Variants in CCDC88C observed in about 807,000 individuals in gnomAD.
The protein encoded by CCDC88C is coiled-coil and HOOK domain protein 88C.
Under a neutral mutation model 198.8 loss-of-function variants are expected in CCDC88C, and 131 were observed. The observed-to-expected ratio is 0.66, with a 90% CI of 0.57 to 0.76. The LOEUF is 0.76. CCDC88C is among the 30% of genes least tolerant of loss of function. The pLI is 0.00. For synonymous variants in CCDC88C, 1,166 were observed against 1,114.7 expected (o/e 1.05, Z -0.92); for missense variants, 2,553 against 2,631.6 (o/e 0.97, Z 0.65).
At chr14:91,362,009 G>A (rs753583295) in intron 3 of CCDC88C, among the ~76,000 whole-genome samples, 4 of 152,094 alleles carry the variant, frequency 2.6e-5, no homozygotes, top group South Asian at 4.1e-4. Flanking sequence ...CAAGGTGGGC[G>A]GATCACCTGA....
Position 91,329,935 on chromosome 14 carries a change from GTC to G in CCDC88C, c.1051-3881_1051-3880del, listed in dbSNP as rs1291886992. On this transcript the variant is annotated intron_variant, in intron 10 of 29. Transcript: ENST00000389857. ...ATGTTTTCAGCTCTGCAGGTTTTAAGTCTCTGTCACAACTACTCAACTCCACA... is the reference window on the plus strand; with the variant it reads ...ATGTTTTCAGCTCTGCAGGTTTTAAGTCTGTCACAACTACTCAACTCCACA... Among the ~76,000 whole-genome samples the G allele has an allele frequency of 5.9e-5, 9 of 152,374 alleles. No homozygotes were observed. In the South Asian group the frequency reaches 1.7e-3, roughly 28 times the overall value.
intron 3 of CCDC88C, among the ~76,000 whole-genome samples, chr14:91,404,610 C>G (rs770801330): frequency 3.9e-5 from 6 of 152,162 alleles, no homozygotes; most frequent in Non-Finnish European, 8.8e-5. Context: ...CCACTCTCAC[C>G]CACTGATTCT....
Position 91,338,570 on chromosome 14 carries a change from C to T in CCDC88C, c.810G>A (p.Leu270=). ...CCACAAGCTGCTCTGTCTTATCCTC[C>T]CTGCAGAGGCAGTAAGGAGAAAGAG... ...KARLRRVRQE[L]EDKTEQLVDT... is the part of the protein sequence containing the mutation. Residue 270 remains leucine (L), a splice_region_variant and synonymous_variant, in exon 9 of 30, where the codon CTG becomes CTA. Transcript: ENST00000389857. The surrounding 1 kb of genome is among the most constrained non-coding windows in gnomAD (Gnocchi z 4.8). 1.9e-6 allele frequency: 3 copies of T among 1,559,442 alleles called. No homozygotes were observed. The highest frequency in any genetic ancestry group is 2.6e-6 in the Non-Finnish European group (3 of 1,151,346).
intron 20 of CCDC88C, among the ~76,000 whole-genome samples, chr14:91,301,733 G>A (rs1039471844): frequency 6.6e-6 from 1 of 152,130 alleles, no homozygotes; most frequent in African/African-American, 2.4e-5. Context: ...AAGAAAGAAG[G>A]AAAGAATACA....
At position 91,291,035 on chromosome 14, in the gene CCDC88C, T is replaced by C; in HGVS notation, c.4162A>G (p.Ile1388Val). Residue 1388 changes from isoleucine (I) to valine (V), a missense_variant, in exon 24 of 30, where the codon ATC becomes GTC. Physicochemically the swap from Ile to Val is conservative, Grantham distance 29. Transcript: ENST00000389857. ...RRHKEKLEEK[I>V]MDQYKFYDPP... ...TCATAGAACTTGTATTGATCCATGA[T>C]TTTTTCTTCCAGCTTTTCCTTATGT... 6.3e-7 allele frequency: 1 copy of C among 1,592,888 alleles called. No homozygotes were observed.
intron 3 of CCDC88C, among the ~76,000 whole-genome samples, chr14:91,400,341 C>T (rs997941624): frequency 2.0e-5 from 3 of 152,266 alleles, no homozygotes; most frequent in Non-Finnish European, 2.9e-5. Context: ...GGGGACCCCC[C>T]GCAGACCATT....
At chr14:91,306,074 T>A in intron 18 of CCDC88C, 148 bp from the exon 19 acceptor site, 1 of 742,344 alleles carries the variant, frequency 1.3e-6, no homozygotes, top group Non-Finnish European at 2.2e-6. Context: ...ATATTTTCTC[T>A]CTTTGAAAAA....
In CCDC88C at chr14:91,342,470, A is replaced by T; in HGVS notation, c.400-7T>A. The T allele has an allele frequency of 1.3e-6, 2 of 1,565,480 alleles. No individual in the cohort carries two copies. The highest frequency in any genetic ancestry group is 1.7e-6 in the Non-Finnish European group (2 of 1,148,576). On this transcript the variant is annotated splice_polypyrimidine_tract_variant and splice_region_variant and intron_variant, in intron 5 of 29. Transcript: ENST00000389857. ...ACTCCTCTTTCCTCTCACACTGCGG[A>T]GGGTTACATGTGTTAATGGAAGCGC...
chr14:91,273,615 G>A lies in CCDC88C; in HGVS notation c.5097C>T (p.Tyr1699=). The change falls in exon 30 of 30, where the codon TAC becomes TAT. Residue 1699 remains tyrosine (Y), a synonymous_variant. Transcript: ENST00000389857. This position sits in a 1 kb window ranked among gnomAD's most constrained non-coding sequence, Gnocchi z 5.6. The part of the protein sequence containing the change: ...PSCRDDLLSD[Y]FRKASDPPAI... ...CTGGGGGATCGCTGGCCTTTCGGAA[G>A]TAGTCACTCAGCAGGTCATCCCGGC... The A allele has an allele frequency of 6.7e-7, 1 of 1,492,364 alleles. No individual in the cohort carries two copies. The highest frequency in any genetic ancestry group is 8.9e-7 in the Non-Finnish European group (1 of 1,120,342). 92.4% of individuals were successfully genotyped at this position (1,492,364 alleles called of 1,614,324 possible).
At chr14:91,275,327 C>T (rs909113322) in intron 29 of CCDC88C, among the ~76,000 whole-genome samples, 14 of 152,212 alleles carry the variant, frequency 9.2e-5, no homozygotes, top group African/African-American at 3.4e-4. Context: ...AGGGGCCCCA[C>T]TCCTTGCTCA....
At chr14:91,323,756 G>C (rs1596071007) in intron 12 of CCDC88C, among the ~76,000 whole-genome samples, 1 of 152,210 alleles carries the variant, frequency 6.6e-6, no homozygotes, top group South Asian at 2.1e-4. Flanking sequence ...CCACCTCTCT[G>C]CTCCACCAGG....
rs1022063406 is a variant in CCDC88C at position 91,314,078 on chromosome 14, T to G, written c.1738A>C (p.Ser580Arg). ...ACGTCTTTCATGCGGGCCTCACTGCTGACCTGCGACCTCTCCCGCAGCGAC... is the reference window on the plus strand; with the variant it reads ...ACGTCTTTCATGCGGGCCTCACTGCGGACCTGCGACCTCTCCCGCAGCGAC... ...MWSLRERSQV[S>R]SEARMKDVEK... Residue 580 changes from serine (S) to arginine (R), a missense_variant, in exon 15 of 30, where the codon AGC becomes CGC. By Grantham distance (110) the Ser-to-Arg change is moderately radical (BLOSUM62 -1). Coordinates refer to ENST00000389857, the MANE Select transcript of CCDC88C (RefSeq NM_001080414.4). 3 of 1,613,890 alleles carry G rather than the reference T, an allele frequency of 1.9e-6. No individual in the cohort carries two copies. Among genetic ancestry groups the G allele is most frequent in the Non-Finnish European group, 2.5e-6 (3 of 1,179,868 alleles).
At chr14:91,307,665 C>T (rs1030913562) in intron 17 of CCDC88C, among the ~76,000 whole-genome samples, 2 of 152,240 alleles carry the variant, frequency 1.3e-5, no homozygotes, top group Non-Finnish European at 2.9e-5. Flanking sequence ...AAAACTGAGG[C>T]TGGAAGAGTG....
chr14:91,373,680 A>T (rs1894937155), intron 3 of CCDC88C, among the ~76,000 whole-genome samples: 1 of 152,192 alleles, frequency 6.6e-6, no homozygotes. Context: ...GCATATCGGG[A>T]CACAGTTGAA....
At position 91,338,550 on chromosome 14, in the gene CCDC88C, A is replaced by T; in HGVS notation, c.830T>A (p.Leu277His). ...RQELEDKTEQ[L>H]VDTRHEVDQL... ...GTCCACCTCATGTCTGGTGTCCACA[A>T]GCTGCTCTGTCTTATCCTCCCTGCA... Residue 277 changes from leucine to histidine, a missense_variant, in exon 9 of 30, where the codon CTT becomes CAT. By Grantham distance (99) the Leu-to-His change is moderately conservative. This residue lies in a region of CCDC88C where 1,260 missense variants were observed against 1,412.0 expected (regional missense o/e 0.89). Transcript: ENST00000389857. This position sits in a 1 kb window ranked among gnomAD's most constrained non-coding sequence, Gnocchi z 4.8. 1 of 1,568,692 alleles carries T rather than the reference A, an allele frequency of 6.4e-7. No homozygotes were observed. Among genetic ancestry groups the T allele is most frequent in the Admixed American group, 1.9e-5 (1 of 53,560 alleles).
chr14:91,285,187 A>G (rs1221895104), intron 25 of CCDC88C, among the ~76,000 whole-genome samples: 2 of 152,228 alleles, frequency 1.3e-5, no homozygotes, highest in Admixed American at 6.5e-5. Context: ...AAGGCCCACA[A>G]CTCAGTGCTC....
rs781291126 is a variant in CCDC88C at position 91,278,063 on chromosome 14, C to G, written c.4917G>C (p.Gly1639=). The G allele has an allele frequency of 1.3e-5, 21 of 1,611,012 alleles. No individual in the cohort carries two copies. Among genetic ancestry groups the G allele is most frequent in the Non-Finnish European group, 1.8e-5 (21 of 1,178,860 alleles). Reference sequence around the variant, plus strand: ...TCTGGGCACCCTCCTGTGGGAGAGGCCCGTTCCGAGGCAAGGGGTACTCGT... The same window carrying G: ...TCTGGGCACCCTCCTGTGGGAGAGGGCCGTTCCGAGGCAAGGGGTACTCGT... ...GRHEYPLPRN[G]PLPQEGAQKR... The change falls in exon 29 of 30, where the codon GGG becomes GGC. Residue 1639 remains glycine (G), a synonymous_variant. Transcript: ENST00000389857.
chr14:91,277,885 A>C, intron 29 of CCDC88C, 37 bp downstream of exon 29: 1 of 1,458,282 alleles, frequency 6.9e-7, no homozygotes, highest in Non-Finnish European at 9.1e-7. Context: ...ACAGAGAGGG[A>C]AGAGAGACGG....
intron 29 of CCDC88C, 75 bp downstream of exon 29, chr14:91,277,847 T>C: frequency 7.0e-7 from 1 of 1,429,552 alleles, no homozygotes; most frequent in East Asian, 2.5e-5. Context: ...CCATCCTTTC[T>C]GCAGCTATGA....
Sources: allele counts gnomAD v4.1 joint callset (sites outside exome capture counted in the v4.1 genomes callset), GRCh38; gene constraint gnomAD v4.1.1; regional missense constraint gnomAD v4.1.1; non-coding constraint Gnocchi (gnomAD v3.1); transcripts MANE v1.5; gene names NCBI Gene and HGNC (gene_info 2026-07-23, HGNC 2026-07-21).